The following PANK2 variants were observed in gnomAD, a reference collection of about 807,000 sequenced individuals.
The protein encoded by PANK2 is pantothenate kinase 2, also known as pantothenate kinase 2, mitochondrial.
In PANK2, 36 loss-of-function variants were observed where a neutral mutation model predicts 43.1. That is an observed-to-expected ratio of 0.84 (90% CI 0.64 to 1.10). PANK2 has a LOEUF of 1.10. Among genes scored for constraint, PANK2 ranks in the 50% least tolerant of loss-of-function variants. PANK2 has a pLI of 0.00. For synonymous variants in PANK2, 281 were observed against 238.2 expected (o/e 1.18, Z -1.66); for missense variants, 576 against 593.3 (o/e 0.97, Z 0.30).
chr20:3,890,017 TG>T, intron 1 of PANK2: 1 of 1,114,230 alleles, frequency 9.0e-7, no homozygotes. Flanking sequence ...ATTCTCTTCC[TG>T]AGGGTCACAT....
Position 3,898,254 on chromosome 20 carries a change from C to T in PANK2, c.298+8526C>T, listed in dbSNP as rs1262239938. Among the ~76,000 whole-genome samples the T allele has an allele frequency of 2.6e-5, 4 of 152,052 alleles. No individual in the cohort carries two copies. The East Asian group carries it at 5.8e-4, about 22-fold the overall frequency. The stretch of plus-strand genomic sequence containing the variant: ...TCTTTCTGTCACCCAGGCTAGAGTG[C>T]AGTGGCACGATCTTGGCTAACTGCA... On this transcript the variant is annotated intron_variant, in intron 1 of 6. Coordinates refer to ENST00000610179, the MANE Select transcript of PANK2 (RefSeq NM_001386393.1).
chr20:3,892,673 CAAAAAA>C (rs763721845), intron 1 of PANK2, among the ~76,000 whole-genome samples: 1 of 104,378 alleles, frequency 9.6e-6, no homozygotes. Flanking sequence ...GACTCTGTCT[CAAAAAA>C]AAAAAAAAAA....
upstream of PANK2, chr20:3,888,961 G>GAT: frequency 3.1e-6 from 2 of 642,756 alleles, no homozygotes; most frequent in Non-Finnish European, 5.1e-6. Context: ...GACGCTGCGG[G>GAT]AGCACTGCTG....
intron 1 of PANK2, 100 bp from the exon 2 acceptor site, chr20:3,907,826 C>A: frequency 9.5e-7 from 1 of 1,052,944 alleles, no homozygotes; most frequent in Non-Finnish European, 1.4e-6. Context: ...GAATTATGTT[C>A]TTTGGAAACC....
At chr20:3,888,940 ACCAGCGGCC>A, upstream of PANK2, 4 of 596,320 alleles carry the variant, frequency 6.7e-6, no homozygotes, top group South Asian at 2.4e-5. Context: ...TCTGCCGACG[ACCAGCGGCC>A]AGACGCTGCG....
chr20:3,900,872 G>A lies in PANK2; in HGVS notation c.299-7054G>A, dbSNP rs548883005. ...CAACCTCTGCCTCCTGGGTTCAAGC[G>A]ATTCTCCTGTCTCAGCCTACCGAGT... On this transcript the variant is annotated intron_variant, in intron 1 of 6. Coordinates refer to ENST00000610179, the MANE Select transcript of PANK2 (RefSeq NM_001386393.1). Among the ~76,000 whole-genome samples, 14 of 151,858 alleles carry A rather than the reference G, an allele frequency of 9.2e-5. No individual in the cohort carries two copies. The South Asian group carries it at 1.7e-3, about 18-fold the overall frequency.
chr20:3,895,744 T>C (rs916542146), intron 1 of PANK2, among the ~76,000 whole-genome samples: 2 of 152,176 alleles, frequency 1.3e-5, no homozygotes, highest in East Asian at 3.8e-4. Flanking sequence ...TAAAGTTTGC[T>C]TTCTAAAAAT....
At chr20:3,913,160 A>G (rs1426307907) in intron 4 of PANK2, among the ~76,000 whole-genome samples, 5 of 151,996 alleles carry the variant, frequency 3.3e-5, no homozygotes, top group African/African-American at 1.2e-4. Flanking sequence ...ACGACTCTCC[A>G]TTCCCCCCAC....
intron 4 of PANK2, among the ~76,000 whole-genome samples, chr20:3,915,390 C>G (rs1035212086): frequency 1.3e-5 from 2 of 152,046 alleles, no homozygotes; most frequent in Non-Finnish European, 1.5e-5. Flanking sequence ...CCTCCACCTC[C>G]CGGGTTCAAG....
At position 3,894,559 on chromosome 20, in the gene PANK2, A is replaced by G. The variant is rs540654352; in HGVS notation, c.298+4831A>G. Among the ~76,000 whole-genome samples the G allele has an allele frequency of 2.6e-5, 4 of 151,420 alleles. 1 individual carries two copies. The highest frequency in any genetic ancestry group is 9.7e-5 in the African/African-American group (4 of 41,288). ...CTGGCCTGAAGGTGTTTTTTAACCT[A>G]TTGATTTATCAACTTTTTATTTATT... On this transcript the variant is annotated intron_variant, in intron 1 of 6. Coordinates refer to ENST00000610179, the MANE Select transcript of PANK2 (RefSeq NM_001386393.1).
chr20:3,891,744 A>G (rs1287430049), intron 1 of PANK2, among the ~76,000 whole-genome samples: 1 of 152,226 alleles, frequency 6.6e-6, no homozygotes. Context: ...CTCATATTCA[A>G]ATACAGGTGA....
intron 1 of PANK2, among the ~76,000 whole-genome samples, chr20:3,896,730 C>T (rs948635704): frequency 6.6e-6 from 1 of 152,150 alleles, no homozygotes. Context: ...GATGGCCAAA[C>T]AAGAGGTTCC....
At chr20:3,921,741 T>TA (rs2090650551) in intron 6 of PANK2, 1 of 152,108 alleles carries the variant, frequency 6.6e-6, no homozygotes, top group Non-Finnish European at 1.5e-5. Context: ...GATGGGGTCT[T>TA]ACTCTGTCAG....
Position 3,902,165 on chromosome 20 carries a change from T to C in PANK2, c.299-5761T>C, listed in dbSNP as rs186632102. Among the ~76,000 whole-genome samples, 700 of 142,962 alleles carry C rather than the reference T, an allele frequency of 4.9e-3. 6 individuals are homozygous for C. The highest frequency in any genetic ancestry group is 0.016 in the African/African-American group (618 of 39,408). The allele number at this position is 142,962 out of a possible 152,430, so 93.8% of individuals were successfully genotyped here. On this transcript the variant is annotated intron_variant, in intron 1 of 6. Coordinates refer to ENST00000610179, the MANE Select transcript of PANK2 (RefSeq NM_001386393.1). The stretch of plus-strand genomic sequence containing the variant: ...GGTTCTATATTCTCTCCCTCTCTCT[T>C]TTTTTTTTTTTTTTAGTTAGAGACA...
intron 5 of PANK2, among the ~76,000 whole-genome samples, chr20:3,917,940 A>G (rs1365898912): frequency 6.6e-6 from 1 of 152,038 alleles, no homozygotes. Context: ...TATTTATTTG[A>G]TCAAGTTCTT....
chr20:3,914,352 G>T lies in PANK2; in HGVS notation c.1082+1718G>T, dbSNP rs575193331. ...TTTTTAAGAGGCAGGGTCTCGCCCT[G>T]TTGCCCACATGAGAGTGCAGTGTTG... is the stretch of plus-strand genomic sequence containing the variant. On this transcript the variant is annotated intron_variant, in intron 4 of 6. Transcript: ENST00000610179. 4.2e-4 allele frequency among the ~76,000 whole-genome samples: 64 copies of T among 152,142 alleles called. 2 individuals are homozygous for T. The South Asian group carries it at 0.013, about 31-fold the overall frequency.
chr20:3,922,223 A>G (rs80155188), intron 6 of PANK2, among the ~76,000 whole-genome samples: 2,678 of 152,234 alleles, frequency 0.018, 86 homozygotes, highest in African/African-American at 0.061. Context: ...ATCTTACCTT[A>G]CAGGTTGGAG....
chr20:3,897,280 G>A (rs753143136), intron 1 of PANK2, among the ~76,000 whole-genome samples: 12 of 152,182 alleles, frequency 7.9e-5, no homozygotes, highest in Non-Finnish European at 1.6e-4. Flanking sequence ...GTCAAGTATA[G>A]GTTGTCTAGA....
intron 1 of PANK2, among the ~76,000 whole-genome samples, chr20:3,894,091 C>T (rs1430634382): frequency 1.3e-5 from 2 of 151,804 alleles, no homozygotes; most frequent in Non-Finnish European, 2.9e-5. Flanking sequence ...ACCACCATGG[C>T]CAACTAATTT....
Sources: allele counts gnomAD v4.1 joint callset (sites outside exome capture counted in the v4.1 genomes callset), GRCh38; gene constraint gnomAD v4.1.1; transcripts MANE v1.5; gene names NCBI Gene and HGNC (gene_info 2026-07-23, HGNC 2026-07-21).